IGHMBP2: variants seen among roughly 807,000 people sequenced by gnomAD.
IGHMBP2 encodes immunoglobulin mu DNA binding protein 2.
IGHMBP2 carries 81 observed loss-of-function variants against 96.0 expected under a neutral mutation model. That is an observed-to-expected ratio of 0.84 (90% CI 0.71 to 1.01). The LOEUF (loss-of-function observed/expected upper bound fraction) is 1.01. Ranked by LOEUF, IGHMBP2 falls within the 50% of genes least tolerant of loss-of-function variation. The pLI, the probability that IGHMBP2 is intolerant of heterozygous loss-of-function variation, is 0.00. For synonymous variants in IGHMBP2, 557 were observed against 548.9 expected (o/e 1.01, Z -0.21); for missense variants, 1,227 against 1,306.3 (o/e 0.94, Z 0.94).
At chr11:68,927,179 A>G (rs1198054748) in intron 7 of IGHMBP2, among the ~76,000 whole-genome samples, 1 of 151,906 alleles carries the variant, frequency 6.6e-6, no homozygotes, top group African/African-American at 2.4e-5. Context: ...GAATGTAGCA[A>G]CTCTGGAAGT....
chr11:68,925,228 C>T (rs1296809513), intron 7 of IGHMBP2, among the ~76,000 whole-genome samples: 1 of 151,522 alleles, frequency 6.6e-6, no homozygotes, highest in African/African-American at 2.4e-5. Flanking sequence ...TCACTGCAGC[C>T]TCCTCCTCCC....
chr11:68,933,098 A>G (rs1265735096), intron 8 of IGHMBP2: 13 of 610,162 alleles, frequency 2.1e-5, no homozygotes, highest in Non-Finnish European at 3.8e-5. Context: ...CTGTAAGGGA[A>G]CATTCACGGG....
intron 4 of IGHMBP2, among the ~76,000 whole-genome samples, chr11:68,909,128 C>T (rs563114103): frequency 9.4e-5 from 13 of 137,882 alleles, no homozygotes; most frequent in Admixed American, 2.6e-4. Context: ...CGTGAGCCAC[C>T]GTGCGCCTGG....
rs774335263 is a variant in IGHMBP2, at chr11:68,938,367, C to G, written c.2784+13C>G. On this transcript the variant is annotated intron_variant, in intron 14 of 14. Transcript: ENST00000255078. ...CCACCTGCCCGAGGTATGTCGGCCT[C>G]CCCTCCTGCGATCAAACAGTGGGGA... 4 of 1,599,620 alleles carry G rather than the reference C, an allele frequency of 2.5e-6. No individual in the cohort carries two copies. Among genetic ancestry groups the G allele is most frequent in the Non-Finnish European group, 3.4e-6 (4 of 1,174,416 alleles).
At chr11:68,911,369 C>T in intron 4 of IGHMBP2, 71 bp from the exon 5 acceptor site, 8 of 1,518,662 alleles carry the variant, frequency 5.3e-6, no homozygotes, top group Non-Finnish European at 7.3e-6. Flanking sequence ...CCGGGGCACA[C>T]ACTCTCTGAG....
chr11:68,930,762 G>C (rs1453889699), intron 8 of IGHMBP2, among the ~76,000 whole-genome samples: 1 of 152,190 alleles, frequency 6.6e-6, no homozygotes, highest in Non-Finnish European at 1.5e-5. Context: ...GCTCCTCTCT[G>C]TAGGCAGGTC....
chr11:68,933,305 G>T lies in IGHMBP2; in HGVS notation c.1242G>T (p.Ala414=). Residue 414 remains alanine (A), a synonymous_variant, in exon 9 of 15, where the codon GCG becomes GCT. Transcript: ENST00000255078. ...TTCTCCCTCCTGGGCGCAGGGCTGC[G>T]CTGGCAGGACTGTCACTCAGCCTGA... ...LPPTTVSHKA[A]LAGLSLSLME... 5.6e-6 allele frequency: 9 copies of T among 1,612,244 alleles called. No homozygotes were observed. The highest frequency in any genetic ancestry group is 7.6e-6 in the Non-Finnish European group (9 of 1,179,680).
At chr11:68,921,933 G>C (rs1858893817) in intron 7 of IGHMBP2, among the ~76,000 whole-genome samples, 1 of 152,228 alleles carries the variant, frequency 6.6e-6, no homozygotes, top group Admixed American at 6.5e-5. Flanking sequence ...ATATTTTAAA[G>C]ATGTTGTCCA....
At chr11:68,914,698 G>C in intron 5 of IGHMBP2, 125 bp from the exon 6 acceptor site, 2 of 997,722 alleles carry the variant, frequency 2.0e-6, no homozygotes, top group Non-Finnish European at 1.6e-6. Flanking sequence ...TGCAAGATTT[G>C]ATTGAGAGCA....
At chr11:68,925,209 A>G (rs1859021331) in intron 7 of IGHMBP2, among the ~76,000 whole-genome samples, 1 of 148,880 alleles carries the variant, frequency 6.7e-6, no homozygotes, top group African/African-American at 2.5e-5. Context: ...GCAGTGGCAC[A>G]ATCTTGATTC....
chr11:68,933,474 C>A lies in IGHMBP2; in HGVS notation c.1411C>A (p.Leu471Ile). ...LTAHSSVARH[L>I]LRDLPGVAAT... ...AGCCCACTCTTCCGTGGCAAGGCAC[C>A]TCCTGAGGTGAGTAGCTCGGCACCA... Residue 471 changes from leucine (L) to isoleucine (I), a missense_variant, in exon 9 of 15, where the codon CTC (leucine) becomes ATC (isoleucine). Leu to Ile is a conservative substitution (Grantham distance 5). Transcript: ENST00000255078. 1 of 1,612,140 alleles carries A rather than the reference C, an allele frequency of 6.2e-7. No individual in the cohort carries two copies. The highest frequency in any genetic ancestry group is 8.5e-7 in the Non-Finnish European group (1 of 1,179,482).
intron 6 of IGHMBP2, 142 bp downstream of exon 6, chr11:68,915,165 C>CTTTTTTTTTTTTTTTT: frequency 1.1e-5 from 3 of 265,084 alleles, no homozygotes; most frequent in Non-Finnish European, 1.3e-5. Context: ...ATTGGGCTGC[C>CTTTTTTTTTTTTTTTT]CTTTTTTTTT....
chr11:68,930,052 G>C, intron 8 of IGHMBP2: 1 of 1,148,600 alleles, frequency 8.7e-7, no homozygotes. Context: ...CCCTCTGCCT[G>C]GACCACTCCT....
In IGHMBP2 at chr11:68,938,272, A is replaced by G. The variant is rs1367240763; in HGVS notation, c.2702A>G (p.Lys901Arg). 1.2e-6 allele frequency: 2 copies of G among 1,613,732 alleles called. No individual in the cohort carries two copies. Among genetic ancestry groups the G allele is most frequent in the African/African-American group, 2.7e-5 (2 of 74,920 alleles). Residue 901 changes from lysine to arginine, a missense_variant, in exon 14 of 15, where the codon AAG becomes AGG. Transcript: ENST00000255078. ...VKADNTCGFA[K>R]CTAGVTTLGQ... Reference sequence around the variant, plus strand: ...GCTGATAACACCTGCGGCTTTGCCAAGTGCACAGCCGGCGTCACAACCCTG... The same window carrying G: ...GCTGATAACACCTGCGGCTTTGCCAGGTGCACAGCCGGCGTCACAACCCTG...
In IGHMBP2 at chr11:68,930,482, G is replaced by A. The variant is rs147938901; in HGVS notation, c.1235+1125G>A. On this transcript the variant is annotated intron_variant, in intron 8 of 14. Coordinates refer to ENST00000255078, the MANE Select transcript of IGHMBP2 (RefSeq NM_002180.3). ...AATAGTAATTGAGAGTGAGCTTTGGGAGGAAGATGTTGGAAATAAAGATGG... is the reference window on the plus strand; with the variant it reads ...AATAGTAATTGAGAGTGAGCTTTGGAAGGAAGATGTTGGAAATAAAGATGG... 593 of 1,275,140 alleles carry A rather than the reference G, an allele frequency of 4.7e-4. 3 individuals carry two copies. In the African/African-American group the frequency reaches 8.2e-3, roughly 18 times the overall value. The allele number at this position is 1,275,140 out of a possible 1,614,324, so 79.0% of individuals were successfully genotyped here.
At chr11:68,930,411 C>G (rs111281309) in intron 8 of IGHMBP2, 1 of 1,289,648 alleles carries the variant, frequency 7.8e-7, no homozygotes, top group South Asian at 1.2e-5. Context: ...ATCACAGGGG[C>G]GTGGGCAGCC....
rs2154006952 is a variant in IGHMBP2, at chr11:68,911,615, A to C, written c.711+12A>C. 4 of 1,613,646 alleles carry C rather than the reference A, an allele frequency of 2.5e-6. No homozygotes were observed. Among genetic ancestry groups the C allele is most frequent in the Non-Finnish European group, 3.4e-6 (4 of 1,179,708 alleles). Reference sequence around the variant, plus strand: ...AACAAGGCTTAAAGGTGGGCAGTGCATGCCACTTCCCTGTCAGAGCCCGTC... The same window carrying C: ...AACAAGGCTTAAAGGTGGGCAGTGCCTGCCACTTCCCTGTCAGAGCCCGTC... On this transcript the variant is annotated intron_variant, in intron 5 of 14. Coordinates refer to ENST00000255078, the MANE Select transcript of IGHMBP2 (RefSeq NM_002180.3).
chr11:68,911,570 G>C lies in IGHMBP2; in HGVS notation c.678G>C (p.Glu226Asp), dbSNP rs1594422735. The C allele has an allele frequency of 6.2e-7, 1 of 1,614,250 alleles. No homozygotes were observed. Among genetic ancestry groups the C allele is most frequent in the Non-Finnish European group, 8.5e-7 (1 of 1,180,048 alleles). Reference sequence around the variant, plus strand: ...CTGGGAAAACCACGACTGTGGTTGAGATCATTCTTCAAGCTGTGAAACAAG... The same window carrying C: ...CTGGGAAAACCACGACTGTGGTTGACATCATTCTTCAAGCTGTGAAACAAG... ...PGTGKTTTVV[E>D]IILQAVKQGL... Residue 226 changes from glutamate (E) to aspartate (D), a missense_variant, in exon 5 of 15, where the codon GAG (glutamate) becomes GAC (aspartate). Transcript: ENST00000255078.
chr11:68,935,152 G>A, intron 11 of IGHMBP2, 147 bp from the exon 12 acceptor site: 1 of 1,025,986 alleles, frequency 9.7e-7, no homozygotes. Flanking sequence ...GGGCGAACGG[G>A]AAGCCTTTCC....
Sources: allele counts gnomAD v4.1 joint callset (sites outside exome capture counted in the v4.1 genomes callset), GRCh38; gene constraint gnomAD v4.1.1; transcripts MANE v1.5; gene names NCBI Gene and HGNC (gene_info 2026-07-23, HGNC 2026-07-21).